Variants in PRKCH observed in about 807,000 individuals in gnomAD.
PRKCH encodes the protein protein kinase C eta type.
In PRKCH, 28 loss-of-function variants were observed where a neutral mutation model predicts 82.5. The observed-to-expected ratio is 0.34, with a 90% confidence interval of 0.25 to 0.47. The LOEUF is 0.47. PRKCH is among the 20% of genes least tolerant of loss of function. The pLI, the probability that PRKCH is intolerant of heterozygous loss-of-function variation, is 1.00. For missense variants in PRKCH, 705 were observed against 881.8 expected, an observed-to-expected ratio of 0.80 and a Z score of 2.54; for synonymous variants, 322 against 327.4, an observed-to-expected ratio of 0.98 and a Z score of 0.18.
intron 2 of PRKCH, among the ~76,000 whole-genome samples, chr14:61,405,881 A>T (rs1881921186): frequency 6.6e-6 from 1 of 152,202 alleles, no homozygotes; most frequent in Non-Finnish European, 1.5e-5. Flanking sequence ...GTAAATGTGG[A>T]TGCTTCCGTT....
At chr14:61,528,130 G>T (rs2140003700) in intron 10 of PRKCH, 2 of 120,322 alleles carry the variant, frequency 1.7e-5, no homozygotes, top group Admixed American at 9.4e-5. Context: ...GTCTGTATAT[G>T]AAATATATAT....
chr14:61,239,472 GT>G (rs1202050835), intron 1 of PRKCH, among the ~76,000 whole-genome samples: 2 of 152,218 alleles, frequency 1.3e-5, no homozygotes, highest in South Asian at 2.1e-4. Context: ...TCAATCTGAT[GT>G]AACTGCTTCG....
chr14:61,204,270 T>C (rs970661363), intron 1 of PRKCH, among the ~76,000 whole-genome samples: 3 of 152,216 alleles, frequency 2.0e-5, no homozygotes, highest in African/African-American at 7.2e-5. Flanking sequence ...AATGCTTTAC[T>C]TCTATTAACT....
intron 2 of PRKCH, among the ~76,000 whole-genome samples, chr14:61,399,959 G>A (rs1881513126): frequency 6.6e-6 from 1 of 152,190 alleles, no homozygotes; most frequent in Non-Finnish European, 1.5e-5. Flanking sequence ...CATTTAATAT[G>A]TAACTTGGAA....
intron 1 of PRKCH, among the ~76,000 whole-genome samples, chr14:61,197,518 G>A (rs1017827402): frequency 4.6e-5 from 7 of 152,156 alleles, no homozygotes; most frequent in African/African-American, 9.7e-5. Context: ...CATGGTGAGC[G>A]GGCTGAGTGT....
In PRKCH at chr14:61,434,729, A is replaced by T. The variant is rs754450680; in HGVS notation, c.428-8382A>T. Among the ~76,000 whole-genome samples, 11 of 152,308 alleles carry T rather than the reference A, an allele frequency of 7.2e-5. No homozygotes were observed. In the East Asian group the frequency reaches 2.1e-3, roughly 29 times the overall value. On this transcript the variant is annotated intron_variant, in intron 2 of 13. Transcript: ENST00000332981. ...CACCTTGAAGAAGTCTACAGAAAGC[A>T]TATATGGCATAGCTGGGCAGAGTGG... is the stretch of plus-strand genomic sequence containing the variant.
upstream of PRKCH, among the ~76,000 whole-genome samples, chr14:61,316,974 C>T (rs1418923182): frequency 6.6e-6 from 1 of 152,108 alleles, no homozygotes. Flanking sequence ...AGTGCTTGAG[C>T]CAGATGGTGA....
At chr14:61,313,921 C>T (rs988052739) in intron 1 of PRKCH, among the ~76,000 whole-genome samples, 5 of 152,204 alleles carry the variant, frequency 3.3e-5, no homozygotes, top group Non-Finnish European at 5.9e-5. Flanking sequence ...AACCACATCA[C>T]GATCCTTCTG....
chr14:61,502,320 C>T (rs1334752779), intron 10 of PRKCH, among the ~76,000 whole-genome samples: 3 of 152,152 alleles, frequency 2.0e-5, no homozygotes, highest in Admixed American at 6.5e-5. Flanking sequence ...CCCAGCCTTC[C>T]AAAGTGCTGG....
chr14:61,356,929 G>A (rs1248173608), intron 1 of PRKCH, among the ~76,000 whole-genome samples: 1 of 152,152 alleles, frequency 6.6e-6, no homozygotes, highest in Admixed American at 6.5e-5. Flanking sequence ...TGATCTGCCC[G>A]CCTCAGCCTC....
At chr14:61,446,617 C>T (rs142469692) in intron 4 of PRKCH, among the ~76,000 whole-genome samples, 1 of 152,288 alleles carries the variant, frequency 6.6e-6, no homozygotes, top group East Asian at 1.9e-4. Flanking sequence ...TATGTATGAA[C>T]AATTCCATTG....
In PRKCH at chr14:61,391,786, T is replaced by C. The variant is rs2046686742; in HGVS notation, c.427+498T>C. On this transcript the variant is annotated intron_variant, in intron 2 of 13. Coordinates refer to ENST00000332981, the MANE Select transcript of PRKCH (RefSeq NM_006255.5). ...TTTTTTACTTGAGGTAAAATTTATA[T>C]GGGGGTGAAATGATAGATCAGAAGT... 2.0e-5 allele frequency among the ~76,000 whole-genome samples: 3 copies of C among 152,212 alleles called. No individual in the cohort carries two copies. In the South Asian group the frequency reaches 6.2e-4, roughly 32 times the overall value.
intron 1 of PRKCH, among the ~76,000 whole-genome samples, chr14:61,209,418 G>C (rs190824261): frequency 1.3e-5 from 2 of 151,414 alleles, no homozygotes; most frequent in Non-Finnish European, 2.9e-5. Context: ...CTTCCAGAAC[G>C]GTAAGAAATA....
intron 12 of PRKCH, among the ~76,000 whole-genome samples, chr14:61,533,192 C>T (rs770998503): frequency 6.6e-6 from 1 of 152,080 alleles, no homozygotes; most frequent in Non-Finnish European, 1.5e-5. Context: ...TATAGGTAAA[C>T]TTCCCGGGCA....
intron 1 of PRKCH, among the ~76,000 whole-genome samples, chr14:61,332,903 C>T (rs773139358): frequency 1.3e-5 from 2 of 152,084 alleles, no homozygotes; most frequent in African/African-American, 4.8e-5. Flanking sequence ...AGGGCTGGGC[C>T]CCTTGAGCTC....
At chr14:61,429,611 G>A (rs1373479063) in intron 2 of PRKCH, among the ~76,000 whole-genome samples, 1 of 152,074 alleles carries the variant, frequency 6.6e-6, no homozygotes, top group Non-Finnish European at 1.5e-5. Context: ...AGTTACAGTG[G>A]CAGTTACTAA....
In PRKCH at chr14:61,191,000, T is replaced by C. The variant is rs187447089; in HGVS notation, c.-19+3332T>C. ...CAAGCCAAAAGACCACAGAAACAAA[T>C]GCAATAATAGCTTTCAATGAAAGGA... On this transcript the variant is annotated intron_variant, in intron 1 of 3. Coordinates refer to the PRKCH transcript ENST00000555185. 3.9e-5 allele frequency among the ~76,000 whole-genome samples: 6 copies of C among 152,138 alleles called. No individual in the cohort carries two copies. The East Asian group carries it at 1.2e-3, about 29-fold the overall frequency.
In PRKCH at chr14:61,341,627, G is replaced by C. The variant is rs542343241; in HGVS notation, c.363+19163G>C. Among the ~76,000 whole-genome samples the C allele has an allele frequency of 2.0e-4, 31 of 152,306 alleles. No individual in the cohort carries two copies. The South Asian group carries it at 5.8e-3, about 29-fold the overall frequency. On this transcript the variant is annotated intron_variant, in intron 1 of 13. Transcript: ENST00000332981. ...GAGTTTAGGAATAGGAATGGGTACG[G>C]GATAGTAGGGGATTGTGAGCCTGAG...
At chr14:61,405,361 G>A (rs566800604) in intron 2 of PRKCH, among the ~76,000 whole-genome samples, 5 of 148,968 alleles carry the variant, frequency 3.4e-5, no homozygotes, top group Admixed American at 2.0e-4. Context: ...AAATTTAGGC[G>A]CAGCTGGAAT....
Sources: gnomAD v4.1 joint callset for allele counts (sites outside exome capture counted in the v4.1 genomes callset) on GRCh38, gnomAD v4.1.1 for gene constraint, MANE v1.5 for transcripts, NCBI Gene and HGNC (gene_info 2026-07-23, HGNC 2026-07-21) for gene names.